The following RIT2 variants were observed in gnomAD, a reference collection of about 807,000 sequenced individuals.
RIT2 encodes GTP-binding protein Rit2.
In RIT2, 24 loss-of-function variants were observed where a neutral mutation model predicts 23.7. That is an observed-to-expected ratio of 1.01 (90% CI 0.73 to 1.43). The LOEUF (loss-of-function observed/expected upper bound fraction) is 1.43, where lower values mean the gene tolerates loss of function less well. RIT2 is among the 40% of genes most tolerant of loss of function. The pLI is 0.00. For missense variants in RIT2, 236 were observed against 266.9 expected (o/e 0.88, Z 0.81); for synonymous variants, 107 against 91.1 (o/e 1.17, Z -0.99).
At chr18:43,092,985 C>T (rs1422811440) in intron 1 of RIT2, among the ~76,000 whole-genome samples, 1 of 151,910 alleles carries the variant, frequency 6.6e-6, no homozygotes, top group African/African-American at 2.4e-5. Flanking sequence ...ATAGTATATT[C>T]TTATATGTAA....
intron 4 of RIT2, among the ~76,000 whole-genome samples, chr18:42,921,399 C>T (rs1351434145): frequency 2.6e-5 from 4 of 152,100 alleles, no homozygotes; most frequent in Non-Finnish European, 5.9e-5. Flanking sequence ...CAAAGTTACT[C>T]AACTTAGTAT....
chr18:42,915,149 T>TACACAC (rs1379501119), intron 4 of RIT2, among the ~76,000 whole-genome samples: 51 of 81,916 alleles, frequency 6.2e-4, no homozygotes, highest in Non-Finnish European at 2.7e-5. Flanking sequence ...TACATATAAT[T>TACACAC]ATACACACAC....
chr18:43,033,989 CTAATT>C, intron 1 of RIT2, 122 bp from the exon 2 acceptor site: 1 of 608,618 alleles, frequency 1.6e-6, no homozygotes, highest in Non-Finnish European at 2.8e-6. Context: ...ATGTGAGTGA[CTAATT>C]TAATTTCACA....
chr18:43,048,713 G>T (rs1598761285), intron 1 of RIT2, among the ~76,000 whole-genome samples: 1 of 152,072 alleles, frequency 6.6e-6, no homozygotes, highest in South Asian at 2.1e-4. Flanking sequence ...TTTCATCATG[G>T]TCTCAGGGTC....
At chr18:42,849,588 A>G (rs1193731101) in intron 4 of RIT2, among the ~76,000 whole-genome samples, 3 of 152,216 alleles carry the variant, frequency 2.0e-5, no homozygotes, top group African/African-American at 7.2e-5. Flanking sequence ...ATTATTATTA[A>G]CATCTGTATT....
chr18:42,801,508 T>A (rs1480486770), intron 4 of RIT2, among the ~76,000 whole-genome samples: 1 of 152,206 alleles, frequency 6.6e-6, no homozygotes, highest in African/African-American at 2.4e-5. Context: ...TGGGTCCTTT[T>A]TAGAATCAGA....
At chr18:42,980,589 C>T (rs1403588233) in intron 2 of RIT2, among the ~76,000 whole-genome samples, 8 of 152,140 alleles carry the variant, frequency 5.3e-5, no homozygotes, top group Admixed American at 4.6e-4. Flanking sequence ...GCCAATCACA[C>T]ACTTTCTGTG....
At chr18:43,070,604 G>A (rs1450199814) in intron 1 of RIT2, among the ~76,000 whole-genome samples, 1 of 152,168 alleles carries the variant, frequency 6.6e-6, no homozygotes, top group Admixed American at 6.5e-5. Flanking sequence ...TGAATGCAGT[G>A]GAGGATAAGG....
At chr18:42,996,165 T>A (rs1402770145) in intron 2 of RIT2, among the ~76,000 whole-genome samples, 1 of 152,106 alleles carries the variant, frequency 6.6e-6, no homozygotes, top group Non-Finnish European at 1.5e-5. Context: ...TCATCAATAA[T>A]TCTAAATGAC....
At chr18:42,901,129 C>A (rs1210747493) in intron 4 of RIT2, among the ~76,000 whole-genome samples, 1 of 151,920 alleles carries the variant, frequency 6.6e-6, no homozygotes, top group East Asian at 1.9e-4. Context: ...TAAAGAATGG[C>A]AGTTTAAGAA....
At chr18:43,112,810 C>T (rs1303192408) in intron 1 of RIT2, among the ~76,000 whole-genome samples, 1 of 152,086 alleles carries the variant, frequency 6.6e-6, no homozygotes, top group South Asian at 2.1e-4. Context: ...AAATTATAGT[C>T]ACCATAAATT....
intron 1 of RIT2, among the ~76,000 whole-genome samples, chr18:43,087,553 G>T (rs1456063341): frequency 6.6e-6 from 1 of 152,122 alleles, no homozygotes; most frequent in Non-Finnish European, 1.5e-5. Flanking sequence ...GTGACAGTGT[G>T]ATTTCCTTCT....
chr18:42,852,178 C>T (rs2144037489), intron 4 of RIT2, among the ~76,000 whole-genome samples: 1 of 152,310 alleles, frequency 6.6e-6, no homozygotes, highest in East Asian at 1.9e-4. Context: ...TGTGCCTTAA[C>T]ACAATAAAAT....
At chr18:43,010,453 A>G (rs931212507) in intron 2 of RIT2, among the ~76,000 whole-genome samples, 5 of 151,820 alleles carry the variant, frequency 3.3e-5, no homozygotes, top group Non-Finnish European at 7.4e-5. Flanking sequence ...TCTTCACACC[A>G]TCTCAATTTA....
intron 4 of RIT2, among the ~76,000 whole-genome samples, chr18:42,751,483 A>T (rs530032750): frequency 6.6e-6 from 1 of 152,120 alleles, no homozygotes; most frequent in South Asian, 2.1e-4. Flanking sequence ...CAATGTGATA[A>T]TCAAGCTCGA....
chr18:42,758,446 C>T (rs1913217136), intron 4 of RIT2, among the ~76,000 whole-genome samples: 1 of 151,664 alleles, frequency 6.6e-6, no homozygotes, highest in African/African-American at 2.4e-5. Context: ...CAATTCCTCT[C>T]CTTTGAATTG....
intron 4 of RIT2, among the ~76,000 whole-genome samples, chr18:42,795,530 C>T (rs1304848694): frequency 1.3e-5 from 2 of 152,232 alleles, no homozygotes; most frequent in Admixed American, 6.5e-5. Context: ...TCCATGGGCT[C>T]CTGTGCGCCT....
intron 3 of RIT2, among the ~76,000 whole-genome samples, chr18:42,970,238 G>A (rs1003012389): frequency 3.1e-4 from 47 of 151,558 alleles, no homozygotes; most frequent in African/African-American, 1.1e-3. Context: ...GAAATTCTCA[G>A]CTCATTGTAA....
chr18:42,750,026 C>T (rs186972351), intron 4 of RIT2, among the ~76,000 whole-genome samples: 22 of 151,812 alleles, frequency 1.4e-4, no homozygotes, highest in African/African-American at 5.3e-4. Context: ...TGATGCTGTT[C>T]AATGTAAATA....
Sources: gnomAD v4.1 joint callset for allele counts (sites outside exome capture counted in the v4.1 genomes callset) on GRCh38, gnomAD v4.1.1 for gene constraint, MANE v1.5 for transcripts, NCBI Gene and HGNC (gene_info 2026-07-23, HGNC 2026-07-21) for gene names.